The following EPB41L2 variants were observed in gnomAD, a reference collection of about 807,000 sequenced individuals.
EPB41L2 encodes erythrocyte membrane protein band 4.1 like 2.
Under a neutral mutation model 113.0 loss-of-function variants are expected in EPB41L2, and 43 were observed. That is an observed-to-expected ratio of 0.38 (90% CI 0.30 to 0.49). The LOEUF (loss-of-function observed/expected upper bound fraction) is 0.49, where lower values mean the gene tolerates loss of function less well. Ranked by LOEUF, EPB41L2 falls within the 20% of genes least tolerant of loss-of-function variation. The pLI, the probability that EPB41L2 is intolerant of heterozygous loss-of-function variation, is 0.95. For synonymous variants in EPB41L2, 442 were observed against 436.7 expected, an observed-to-expected ratio of 1.01 and a Z score of -0.15; for missense variants, 1,147 against 1,223.4, an observed-to-expected ratio of 0.94 and a Z score of 0.93.
intron 12 of EPB41L2, among the ~76,000 whole-genome samples, chr6:130,883,822 CT>C (rs1273755792): frequency 2.0e-5 from 3 of 152,134 alleles, no homozygotes; most frequent in Non-Finnish European, 4.4e-5. Flanking sequence ...GTCACAAATT[CT>C]TTAACGATGG....
intron 8 of EPB41L2, among the ~76,000 whole-genome samples, chr6:130,895,597 T>G (rs969849989): frequency 6.6e-6 from 1 of 152,232 alleles, no homozygotes; most frequent in Non-Finnish European, 1.5e-5. Flanking sequence ...CTTAAAATTA[T>G]GCCAATATTT....
At chr6:131,027,482 A>C (rs1376330440) in intron 1 of EPB41L2, among the ~76,000 whole-genome samples, 1 of 152,222 alleles carries the variant, frequency 6.6e-6, no homozygotes, top group South Asian at 2.1e-4. Flanking sequence ...ATTGGGTCTC[A>C]GCGGGCTGTT....
At chr6:130,848,869 T>G (rs1262840057) in intron 19 of EPB41L2, among the ~76,000 whole-genome samples, 2 of 152,228 alleles carry the variant, frequency 1.3e-5, no homozygotes, top group African/African-American at 4.8e-5. Context: ...CAATCTATAC[T>G]TAGCACAGGT....
rs201389745 is a variant in EPB41L2, at chr6:131,051,465, A to AAC, written c.-15+11688_-15+11689dup. On this transcript the variant is annotated intron_variant, in intron 1 of 19. Transcript: ENST00000337057. The stretch of plus-strand genomic sequence containing the variant: ...ACAAAAGTAAAGCAAAAAAAAAAAA[A>AAC]ACACACACACACACACACACAACAG... Among the ~76,000 whole-genome samples the AAC allele has an allele frequency of 2.2e-3, 311 of 143,628 alleles. 3 individuals carry two copies. The highest frequency in any genetic ancestry group is 6.1e-3 in the Admixed American group (89 of 14,628). The allele number at this position is 143,628 out of a possible 152,430, so 94.2% of individuals were successfully genotyped here.
rs142376791 is a variant in EPB41L2 at position 130,991,918 on chromosome 6, T to G, written c.-14-35419A>C. Among the ~76,000 whole-genome samples, 53 of 152,204 alleles carry G rather than the reference T, an allele frequency of 3.5e-4. 2 individuals are homozygous for G. The East Asian group carries it at 0.01, about 29-fold the overall frequency. ...ATGGTTATAATTTGTTTCTCTTGGATCTAAACATACACCCACCCGTTGGCT... is the reference window on the plus strand; with the variant it reads ...ATGGTTATAATTTGTTTCTCTTGGAGCTAAACATACACCCACCCGTTGGCT... On this transcript the variant is annotated intron_variant, in intron 1 of 19. Coordinates refer to ENST00000337057, the MANE Select transcript of EPB41L2 (RefSeq NM_001431.4).
intron 3 of EPB41L2, among the ~76,000 whole-genome samples, chr6:130,952,764 C>G (rs9375784): frequency 0.15 from 22,183 of 151,024 alleles, 2,308 homozygotes; most frequent in East Asian, 0.45. Context: ...GAGCCGAGAT[C>G]GTGCCACTGC....
At chr6:130,869,419 C>T in intron 15 of EPB41L2, 144 bp downstream of exon 15, 1 of 789,516 alleles carries the variant, frequency 1.3e-6, no homozygotes, top group South Asian at 1.9e-5. Flanking sequence ...CAAAGCAGTG[C>T]TTCCCCCTTC....
At chr6:130,862,671 A>G (rs867041413) in intron 18 of EPB41L2, among the ~76,000 whole-genome samples, 2 of 152,240 alleles carry the variant, frequency 1.3e-5, no homozygotes, top group South Asian at 4.1e-4. Flanking sequence ...TTAAAAGTAC[A>G]TTACGAATAT....
intron 1 of EPB41L2, among the ~76,000 whole-genome samples, chr6:130,989,153 T>G (rs1193602498): frequency 6.6e-6 from 1 of 152,104 alleles, no homozygotes; most frequent in African/African-American, 2.4e-5. Context: ...TCATTGAACA[T>G]TCACTCATTC....
intron 1 of EPB41L2, among the ~76,000 whole-genome samples, chr6:130,965,197 G>A (rs1774748989): frequency 6.6e-6 from 1 of 152,162 alleles, no homozygotes; most frequent in Non-Finnish European, 1.5e-5. Flanking sequence ...CAGTAATACA[G>A]ATGAAAGAAT....
intron 10 of EPB41L2, among the ~76,000 whole-genome samples, chr6:130,891,452 C>CTTACTTAT (rs1261220417): frequency 7.4e-6 from 1 of 135,048 alleles, no homozygotes; most frequent in African/African-American, 2.6e-5. Context: ...TACTTACTTA[C>CTTACTTAT]TTATTTAATT....
intron 3 of EPB41L2, among the ~76,000 whole-genome samples, chr6:130,954,036 C>CTTTTTTTTTTTTTTTTTTTTTTTTTTT (rs1816328530): frequency 4.4e-5 from 2 of 45,522 alleles, no homozygotes; most frequent in East Asian, 5.2e-4. Context: ...TAGTCCTTTT[C>CTTTTTTTTTTTTTTTTTTTTTTTTTTT]TTTCTTTTTT....
intron 19 of EPB41L2, among the ~76,000 whole-genome samples, chr6:130,851,931 G>C (rs1394486422): frequency 6.6e-6 from 1 of 152,090 alleles, no homozygotes; most frequent in East Asian, 1.9e-4. Context: ...TCAAAACACA[G>C]GCTTCATCAG....
chr6:131,041,174 T>C (rs1794387325), intron 1 of EPB41L2, among the ~76,000 whole-genome samples: 1 of 152,184 alleles, frequency 6.6e-6, no homozygotes, highest in Non-Finnish European at 1.5e-5. Context: ...TGTCAACTGA[T>C]ATAATAGTGT....
intron 1 of EPB41L2, among the ~76,000 whole-genome samples, chr6:131,027,104 G>A (rs7770892): frequency 0.27 from 40,688 of 152,064 alleles, 5,686 homozygotes; most frequent in East Asian, 0.43. Flanking sequence ...AAGAGATTGA[G>A]CAGGCAAAAT....
In EPB41L2 at chr6:130,865,638, T is replaced by C; in HGVS notation, c.2731-4A>G. On this transcript the variant is annotated splice_region_variant and splice_polypyrimidine_tract_variant and intron_variant, in intron 16 of 19. Transcript: ENST00000337057. The stretch of plus-strand genomic sequence containing the variant: ...CACCACCAGCCCCGCCATCAATCTT[T>C]GGATAGTTGGGGGAAAAATACAAAG... 2 of 1,614,092 alleles carry C rather than the reference T, an allele frequency of 1.2e-6. No homozygotes were observed. Among genetic ancestry groups the C allele is most frequent in the Non-Finnish European group, 1.7e-6 (2 of 1,179,938 alleles).
intron 1 of EPB41L2, among the ~76,000 whole-genome samples, chr6:130,992,609 C>A (rs530967756): frequency 6.6e-6 from 1 of 151,744 alleles, no homozygotes; most frequent in Admixed American, 6.6e-5. Flanking sequence ...GTATGTATTT[C>A]TACTGCTGAA....
chr6:130,963,047 CTGA>C (rs1774018430), intron 1 of EPB41L2, among the ~76,000 whole-genome samples: 1 of 152,134 alleles, frequency 6.6e-6, no homozygotes, highest in Non-Finnish European at 1.5e-5. Flanking sequence ...AAGAATAAGC[CTGA>C]TGACACACTG....
At chr6:130,907,340 T>C (rs1798033352) in intron 5 of EPB41L2, among the ~76,000 whole-genome samples, 1 of 152,236 alleles carries the variant, frequency 6.6e-6, no homozygotes, top group East Asian at 1.9e-4. Flanking sequence ...GTAAGCATAA[T>C]GTATCTGGTG....
Sources: allele counts gnomAD v4.1 joint callset (sites outside exome capture counted in the v4.1 genomes callset), GRCh38; gene constraint gnomAD v4.1.1; transcripts MANE v1.5; gene names NCBI Gene and HGNC (gene_info 2026-07-23, HGNC 2026-07-21).